Variants in ARID4B observed in about 807,000 individuals in gnomAD.
ARID4B encodes the protein AT-rich interaction domain 4B.
In ARID4B, 26 loss-of-function variants were observed where a neutral mutation model predicts 147.5. That is an observed-to-expected ratio of 0.18 (90% CI 0.13 to 0.24). The LOEUF (loss-of-function observed/expected upper bound fraction) is 0.24. Among genes scored for constraint, ARID4B ranks in the 10% least tolerant of loss-of-function variants. ARID4B has a pLI of 1.00. For synonymous variants in ARID4B, 512 were observed against 507.9 expected, an observed-to-expected ratio of 1.01 and a Z score of -0.11; for missense variants, 1,179 against 1,511.5, an observed-to-expected ratio of 0.78 and a Z score of 3.65.
At chr1:235,220,892 T>G (rs1667424121) in intron 14 of ARID4B, among the ~76,000 whole-genome samples, 1 of 43,042 alleles carries the variant, frequency 2.3e-5, no homozygotes, top group African/African-American at 8.6e-5. Flanking sequence ...CTTTTTTTGT[T>G]TTTTTTTGTT....
In ARID4B at chr1:235,199,610, C is replaced by T. The variant is rs189025010; in HGVS notation, c.1842-3495G>A. Among the ~76,000 whole-genome samples, 571 of 152,208 alleles carry T rather than the reference C, an allele frequency of 3.8e-3. 6 individuals carry two copies. The highest frequency in any genetic ancestry group is 0.013 in the African/African-American group (536 of 41,534). ...GGAAAAGATTCTAACACGAAAATAA[C>T]GGTAGGGGGCATTCCAGGCCCTATT... On this transcript the variant is annotated intron_variant, in intron 17 of 23. Coordinates refer to ENST00000264183, the MANE Select transcript of ARID4B (RefSeq NM_016374.6).
At chr1:235,308,081 TA>T (rs1673703356) in intron 2 of ARID4B, among the ~76,000 whole-genome samples, 2 of 139,774 alleles carry the variant, frequency 1.4e-5, no homozygotes, top group Admixed American at 7.7e-5. Flanking sequence ...TGATTTCTTC[TA>T]ATTTTTTTTT....
intron 2 of ARID4B, among the ~76,000 whole-genome samples, chr1:235,266,042 G>A (rs1279955228): frequency 6.6e-6 from 1 of 152,222 alleles, no homozygotes; most frequent in African/African-American, 2.4e-5. Context: ...GTATATACGT[G>A]GGGAAGAGGG....
intron 2 of ARID4B, among the ~76,000 whole-genome samples, chr1:235,290,451 C>T (rs1448749056): frequency 6.7e-6 from 1 of 148,764 alleles, no homozygotes; most frequent in Non-Finnish European, 1.5e-5. Flanking sequence ...AAAAAAAGCA[C>T]ATGTGCTTTA....
rs531545705 is a variant in ARID4B, at chr1:235,314,928, C to T, written c.6+11986G>A. On this transcript the variant is annotated intron_variant, in intron 2 of 23. Transcript: ENST00000264183. ...AAGTGCATTGTTAAAATATGATGTT[C>T]AATGAAACTTACTAAAGTTATCAAT... 4.6e-4 allele frequency among the ~76,000 whole-genome samples: 70 copies of T among 152,174 alleles called. No homozygotes were observed. The Middle Eastern group carries it at 0.01, about 22-fold the overall frequency.
chr1:235,174,557 T>C (rs1218986791), intron 22 of ARID4B, among the ~76,000 whole-genome samples: 1 of 151,956 alleles, frequency 6.6e-6, no homozygotes, highest in Non-Finnish European at 1.5e-5. Flanking sequence ...TCCCAGCACT[T>C]TGCGAGGCAG....
In ARID4B at chr1:235,260,869, T is replaced by C. The variant is rs1670252032; in HGVS notation, c.7-117A>G. ...ACAACAGTTATAAATATGAAATGTA[T>C]GTTAACAAGACCAATCTATAAAATA... On this transcript the variant is annotated intron_variant, in intron 2 of 23. Coordinates refer to ENST00000264183, the MANE Select transcript of ARID4B (RefSeq NM_016374.6). 5 of 670,228 alleles carry C rather than the reference T, an allele frequency of 7.5e-6. 1 individual carries two copies. Among genetic ancestry groups the C allele is most frequent in the Non-Finnish European group, 1.2e-5 (5 of 404,148 alleles). 41.5% of individuals were successfully genotyped at this position (670,228 alleles called of 1,614,324 possible). A position where few individuals can be genotyped will look rare whatever the true frequency, so the allele number is the denominator to read the frequency against.
chr1:235,168,745 A>G (rs758426461), intron 23 of ARID4B, 93 bp from the exon 24 acceptor site: 16 of 1,336,268 alleles, frequency 1.2e-5, no homozygotes, highest in Non-Finnish European at 1.4e-5. Context: ...AAATTCCGCT[A>G]TATTGTCCAA....
At chr1:235,276,222 A>G (rs1321452135) in intron 2 of ARID4B, among the ~76,000 whole-genome samples, 2 of 151,354 alleles carry the variant, frequency 1.3e-5, no homozygotes, top group Non-Finnish European at 2.9e-5. Context: ...TTTTTTTTGA[A>G]AAGCTATTTG....
chr1:235,327,520 G>A (rs1485036629), intron 1 of ARID4B: 1 of 152,236 alleles, frequency 6.6e-6, no homozygotes, highest in African/African-American at 2.4e-5. Flanking sequence ...GGGCCCCGGA[G>A]GCGGAACGGC....
chr1:235,302,768 A>G (rs867959030), intron 2 of ARID4B, among the ~76,000 whole-genome samples: 2 of 152,306 alleles, frequency 1.3e-5, no homozygotes, highest in South Asian at 4.1e-4. Context: ...GGATTACCTC[A>G]TTCAATCCTT....
At chr1:235,229,017 G>T in intron 11 of ARID4B, 3 of 509,678 alleles carry the variant, frequency 5.9e-6, no homozygotes, top group Non-Finnish European at 6.6e-6. Flanking sequence ...AGGTTATTAG[G>T]AAAATCAGGC....
At chr1:235,212,646 A>G (rs986986229) in intron 17 of ARID4B, among the ~76,000 whole-genome samples, 1 of 152,206 alleles carries the variant, frequency 6.6e-6, no homozygotes, top group Non-Finnish European at 1.5e-5. Flanking sequence ...AAACACATGC[A>G]TGTAAGAATA....
At chr1:235,270,339 A>C (rs897524288) in intron 2 of ARID4B, among the ~76,000 whole-genome samples, 1 of 152,100 alleles carries the variant, frequency 6.6e-6, no homozygotes, top group African/African-American at 2.4e-5. Flanking sequence ...AAAACACGAA[A>C]ATCTTTGGAT....
chr1:235,195,139 G>C (rs1433553885), intron 18 of ARID4B, among the ~76,000 whole-genome samples: 1 of 152,060 alleles, frequency 6.6e-6, no homozygotes, highest in Non-Finnish European at 1.5e-5. Context: ...ATTCTCCTAA[G>C]GATGGTACAT....
At chr1:235,220,171 G>A in intron 15 of ARID4B, 131 bp downstream of exon 15, 1 of 907,926 alleles carries the variant, frequency 1.1e-6, no homozygotes. Context: ...TTATACAAAA[G>A]TAGCACTTAA....
At chr1:235,327,005 A>G (rs2103325743) in intron 1 of ARID4B, 37 bp from the exon 2 acceptor site, 2 of 1,420,802 alleles carry the variant, frequency 1.4e-6, no homozygotes, top group South Asian at 1.2e-5. Flanking sequence ...TCAACACCAC[A>G]GGAGCCCCTC....
chr1:235,277,595 TG>T (rs1671407135), intron 2 of ARID4B, among the ~76,000 whole-genome samples: 3 of 256 alleles, frequency 0.012, no homozygotes, highest in Non-Finnish European at 0.032. Context: ...TGCCTTATAT[TG>T]TGTGTGTGTG....
intron 2 of ARID4B, among the ~76,000 whole-genome samples, chr1:235,291,230 A>G (rs1165753363): frequency 6.6e-5 from 10 of 151,656 alleles, no homozygotes; most frequent in Non-Finnish European, 1.5e-4. Flanking sequence ...CCCCGTCTCT[A>G]CTAAAAATAA....
Sources: allele counts gnomAD v4.1 joint callset (sites outside exome capture counted in the v4.1 genomes callset), GRCh38; gene constraint gnomAD v4.1.1; transcripts MANE v1.5; gene names NCBI Gene and HGNC (gene_info 2026-07-23, HGNC 2026-07-21).